Variants in TTC9C observed in about 807,000 individuals in gnomAD.
TTC9C encodes the protein tetratricopeptide repeat domain 9C.
A neutral mutation model predicts 22.5 loss-of-function variants in TTC9C; 15 were observed. The ratio of observed to expected loss-of-function variants is 0.67; its 90% CI spans 0.45 to 1.03. The LOEUF (loss-of-function observed/expected upper bound fraction) is 1.03, where lower values mean the gene tolerates loss of function less well. TTC9C is among the 50% of genes least tolerant of loss of function. TTC9C has a pLI of 0.00. For missense variants in TTC9C, 244 were observed against 214.6 expected (o/e 1.14, Z -0.86); for synonymous variants, 92 against 86.8 (o/e 1.06, Z -0.33).
chr11:62,734,781 C>T (rs1047024698), intron 1 of TTC9C, among the ~76,000 whole-genome samples: 3 of 151,962 alleles, frequency 2.0e-5, no homozygotes, highest in Non-Finnish European at 2.9e-5. Context: ...CATGCTCAGC[C>T]GAGTTTTAAA....
chr11:62,735,701 T>C, intron 2 of TTC9C, 137 bp downstream of exon 2: 1 of 1,391,100 alleles, frequency 7.2e-7, no homozygotes, highest in Non-Finnish European at 9.4e-7. Flanking sequence ...GAATTCGAAC[T>C]GAAAAAGTAT....
At chr11:62,738,062 A>G (rs1247990411) in intron 2 of TTC9C, among the ~76,000 whole-genome samples, 3 of 151,478 alleles carry the variant, frequency 2.0e-5, no homozygotes, top group African/African-American at 7.3e-5. Context: ...AAATAAATAA[A>G]TAAATAAATA....
Position 62,732,702 on chromosome 11 carries a change from C to T in TTC9C, c.239-2680C>T, listed in dbSNP as rs181973514. Among the ~76,000 whole-genome samples the T allele has an allele frequency of 1.4e-4, 22 of 151,882 alleles. No homozygotes were observed. In the East Asian group the frequency reaches 1.9e-3, roughly 13 times the overall value. ...TTGGGAGCCCATGACAGGCAGATCA[C>T]GAGGTCAGGAGATGGAGACCATCCT... On this transcript the variant is annotated intron_variant, in intron 1 of 2. Transcript: ENST00000316461.
At chr11:62,728,202 T>G (rs1386927085), upstream of TTC9C, 2 of 295,324 alleles carry the variant, frequency 6.8e-6, no homozygotes, top group South Asian at 3.0e-5. Flanking sequence ...CTCCTGCTGG[T>G]AAACCGAAGC....
At chr11:62,735,806 CAT>C (rs1406167906) in intron 2 of TTC9C, 4 of 446,006 alleles carry the variant, frequency 9.0e-6, no homozygotes, top group Non-Finnish European at 1.5e-5. Context: ...CTTAATCAGA[CAT>C]ACACAATATA....
chr11:62,736,686 T>A (rs1307280973), intron 2 of TTC9C, among the ~76,000 whole-genome samples: 2 of 142,826 alleles, frequency 1.4e-5, no homozygotes, highest in Admixed American at 7.0e-5. Context: ...AGAGGGCGGC[T>A]CCGTCTCGGA....
At chr11:62,737,350 C>A (rs1040797293) in intron 2 of TTC9C, among the ~76,000 whole-genome samples, 1 of 152,138 alleles carries the variant, frequency 6.6e-6, no homozygotes, top group African/African-American at 2.4e-5. Flanking sequence ...CTCAGCTAAC[C>A]CCAGGTATGA....
In TTC9C at chr11:62,729,231, G is replaced by C. The variant is rs2083813855; in HGVS notation, c.238+145G>C. On this transcript the variant is annotated intron_variant, in intron 1 of 2. Coordinates refer to ENST00000316461, the MANE Select transcript of TTC9C (RefSeq NM_173810.4). The stretch of plus-strand genomic sequence containing the variant: ...ATGAATTGGAATAACCTGTCAATCT[G>C]TGCGGCTGTAATTAAGTTGCCATAG... 11 of 740,650 alleles carry C rather than the reference G, an allele frequency of 1.5e-5. No individual in the cohort carries two copies. In the Admixed American group the frequency reaches 3.1e-4, roughly 21 times the overall value. 45.9% of individuals were successfully genotyped at this position (740,650 alleles called of 1,614,324 possible).
chr11:62,733,084 C>T lies in TTC9C; in HGVS notation c.239-2298C>T, dbSNP rs560748923. On this transcript the variant is annotated intron_variant, in intron 1 of 2. Transcript: ENST00000316461. ...GCTGATTCTTGATCTTTCTCAGCAC[C>T]ATGATTTAATAATACTATGTTTAAT... is the stretch of plus-strand genomic sequence containing the variant. 26 of 1,224,140 alleles carry T rather than the reference C, an allele frequency of 2.1e-5. No homozygotes were observed. The East Asian group carries it at 9.7e-4, about 46-fold the overall frequency. The allele number at this position is 1,224,140 out of a possible 1,614,324, so 75.8% of individuals were successfully genotyped here.
intron 1 of TTC9C, among the ~76,000 whole-genome samples, chr11:62,734,183 A>G (rs2083884449): frequency 6.6e-6 from 1 of 151,882 alleles, no homozygotes; most frequent in Non-Finnish European, 1.5e-5. Context: ...CTGTAATCCC[A>G]GCTACTCGGG....
chr11:62,736,424 G>C (rs920379897), intron 2 of TTC9C, among the ~76,000 whole-genome samples: 1 of 152,166 alleles, frequency 6.6e-6, no homozygotes, highest in South Asian at 2.1e-4. Flanking sequence ...GCCGGGCGCA[G>C]TGGCTCACAC....
chr11:62,730,310 G>A (rs935689806), intron 1 of TTC9C, among the ~76,000 whole-genome samples: 1 of 152,142 alleles, frequency 6.6e-6, no homozygotes, highest in African/African-American at 2.4e-5. Flanking sequence ...CCTGACCTCA[G>A]GTGATTCGCC....
At chr11:62,737,287 A>C (rs2083923587) in intron 2 of TTC9C, among the ~76,000 whole-genome samples, 2 of 152,234 alleles carry the variant, frequency 1.3e-5, no homozygotes, top group African/African-American at 4.8e-5. Context: ...TCATTCTGCC[A>C]GTTCTCCAAA....
chr11:62,733,351 G>T (rs966636575), intron 1 of TTC9C, among the ~76,000 whole-genome samples: 14 of 152,082 alleles, frequency 9.2e-5, no homozygotes, highest in Admixed American at 3.3e-4. Flanking sequence ...CAAGTTATTT[G>T]TCTGAGTCTT....
chr11:62,729,208 G>C, intron 1 of TTC9C, 122 bp downstream of exon 1: 1 of 834,168 alleles, frequency 1.2e-6, no homozygotes, highest in Non-Finnish European at 1.9e-6. Context: ...ATTCTGCCAT[G>C]AATTGGAATA....
At chr11:62,733,878 G>T (rs2134813893) in intron 1 of TTC9C, among the ~76,000 whole-genome samples, 1 of 152,206 alleles carries the variant, frequency 6.6e-6, no homozygotes, top group South Asian at 2.1e-4. Flanking sequence ...TATAATCCCA[G>T]TTACTCAGGA....
At chr11:62,728,451 C>G, upstream of TTC9C, 1 of 445,526 alleles carries the variant, frequency 2.2e-6, no homozygotes, top group Non-Finnish European at 4.5e-6. Context: ...ACTTCCAGGT[C>G]GGGGGGGGGC....
chr11:62,733,903 A>C (rs1421329068), intron 1 of TTC9C, among the ~76,000 whole-genome samples: 1 of 152,078 alleles, frequency 6.6e-6, no homozygotes, highest in African/African-American at 2.4e-5. Context: ...GAGGCAGAAG[A>C]ATCACTTGAA....
intron 1 of TTC9C, among the ~76,000 whole-genome samples, chr11:62,733,988 A>G (rs2083881790): frequency 6.7e-6 from 1 of 149,910 alleles, no homozygotes; most frequent in South Asian, 2.1e-4. Context: ...CGAGACCTCC[A>G]TCTCAAAAAA....
Sources: allele counts gnomAD v4.1 joint callset (sites outside exome capture counted in the v4.1 genomes callset), GRCh38; gene constraint gnomAD v4.1.1; transcripts MANE v1.5; gene names NCBI Gene and HGNC (gene_info 2026-07-23, HGNC 2026-07-21).